The following GLRA3 variants were observed in gnomAD, a reference collection of about 807,000 sequenced individuals.
GLRA3 encodes glycine receptor alpha 3, also known as glycine receptor subunit alpha-3.
GLRA3 carries 44 observed loss-of-function variants against 60.4 expected under a neutral mutation model. The ratio of observed to expected loss-of-function variants is 0.73; its 90% CI spans 0.57 to 0.94. The LOEUF (loss-of-function observed/expected upper bound fraction) is 0.94, where lower values mean the gene tolerates loss of function less well. GLRA3 is among the 40% of genes least tolerant of loss of function. The pLI, the probability that GLRA3 is intolerant of heterozygous loss-of-function variation, is 0.00. For missense variants in GLRA3, 508 were observed against 564.6 expected (o/e 0.90, Z 1.02); for synonymous variants, 223 against 192.9 (o/e 1.16, Z -1.29).
intron 3 of GLRA3, among the ~76,000 whole-genome samples, chr4:174,743,904 C>T (rs1288531782): frequency 1.3e-5 from 2 of 150,174 alleles, no homozygotes; most frequent in Non-Finnish European, 2.9e-5. Context: ...CAGAACAGGA[C>T]CCCCTCTCTT....
intron 5 of GLRA3, among the ~76,000 whole-genome samples, chr4:174,710,638 T>C (rs1053898038): frequency 3.9e-5 from 6 of 152,164 alleles, no homozygotes; most frequent in African/African-American, 1.4e-4. Context: ...CTTCTTGTTT[T>C]CAAATAAAGG....
At chr4:174,673,486 G>T (rs540842601) in intron 7 of GLRA3, among the ~76,000 whole-genome samples, 13 of 152,110 alleles carry the variant, frequency 8.5e-5, no homozygotes, top group African/African-American at 1.4e-4. Context: ...ATCTCAAAGA[G>T]TTTGGGAGTA....
rs772981841 is a variant in GLRA3 at position 174,728,533 on chromosome 4, T to C, written c.433A>G (p.Thr145Ala). ...ATTCTTAGCAATTTGTTGTCTGTAG[T>C]GACTTCATGAAAGTTGGCACCCTTT... Reference protein sequence around the residue: ...NEKGANFHEVTTDNKLLRIFK... With the variant: ...NEKGANFHEVATDNKLLRIFK... Residue 145 changes from threonine to alanine, a missense_variant, in exon 4 of 10, where the codon ACT (threonine) becomes GCT (alanine). Thr to Ala is a moderately conservative substitution (Grantham distance 58). Around this residue, in one of 3 missense-constraint regions of GLRA3, gnomAD observed 329 missense variants for 349.3 expected, o/e 0.94. Transcript: ENST00000274093. The C allele has an allele frequency of 3.1e-6, 5 of 1,613,506 alleles. No individual in the cohort carries two copies. The highest frequency in any genetic ancestry group is 4.2e-6 in the Non-Finnish European group (5 of 1,179,428).
At chr4:174,822,454 A>G (rs1264702582) in intron 1 of GLRA3, among the ~76,000 whole-genome samples, 1 of 152,220 alleles carries the variant, frequency 6.6e-6, no homozygotes, top group Non-Finnish European at 1.5e-5. Context: ...CATTTTGTCT[A>G]GGAGAAAACA....
rs147470517 is a variant in GLRA3, at chr4:174,689,382, A to G, written c.575-6443T>C. Among the ~76,000 whole-genome samples the G allele has an allele frequency of 2.2e-4, 34 of 152,350 alleles. No homozygotes were observed. In the East Asian group the frequency reaches 6.0e-3, roughly 27 times the overall value. ...TGTAGCAGCAAAGTAAGATGTAGATATAATCTTGAGAGATGCGGAAAAAGC... is the reference window on the plus strand; with the variant it reads ...TGTAGCAGCAAAGTAAGATGTAGATGTAATCTTGAGAGATGCGGAAAAAGC... On this transcript the variant is annotated intron_variant, in intron 5 of 9. Coordinates refer to ENST00000274093, the MANE Select transcript of GLRA3 (RefSeq NM_006529.4).
chr4:174,709,967 C>CTT (rs5864286), intron 5 of GLRA3, among the ~76,000 whole-genome samples: 16 of 142,098 alleles, frequency 1.1e-4, no homozygotes, highest in African/African-American at 3.4e-4. Flanking sequence ...TGTTGATTTT[C>CTT]TTTTTTTTTT....
chr4:174,724,840 G>T (rs150293995), intron 4 of GLRA3, among the ~76,000 whole-genome samples: 2 of 152,200 alleles, frequency 1.3e-5, no homozygotes, highest in East Asian at 3.9e-4. Context: ...AAAAATATTT[G>T]TAGCTTCTTT....
At chr4:174,728,442 C>T (rs754041504) in intron 4 of GLRA3, 33 bp downstream of exon 4, 2 of 1,157,852 alleles carry the variant, frequency 1.7e-6, no homozygotes, top group East Asian at 2.3e-5. Flanking sequence ...TATTCTATTT[C>T]ACTGAAATCG....
intron 3 of GLRA3, among the ~76,000 whole-genome samples, chr4:174,757,225 T>A (rs979773344): frequency 3.3e-5 from 5 of 152,120 alleles, no homozygotes; most frequent in Admixed American, 6.5e-5. Flanking sequence ...TGTTTGCCCA[T>A]ATATTAATTA....
chr4:174,805,258 T>G (rs1315322305), intron 1 of GLRA3, among the ~76,000 whole-genome samples: 1 of 152,096 alleles, frequency 6.6e-6, no homozygotes, highest in Non-Finnish European at 1.5e-5. Flanking sequence ...TTTCTCAAAT[T>G]TTTTTGCACT....
At chr4:174,674,412 A>G (rs1734033091) in intron 7 of GLRA3, among the ~76,000 whole-genome samples, 1 of 152,204 alleles carries the variant, frequency 6.6e-6, no homozygotes, top group African/African-American at 2.4e-5. Context: ...AGTTTCAAGG[A>G]ATCAATCACA....
At chr4:174,750,614 A>T (rs1485841253) in intron 3 of GLRA3, among the ~76,000 whole-genome samples, 1 of 152,096 alleles carries the variant, frequency 6.6e-6, no homozygotes, top group Non-Finnish European at 1.5e-5. Context: ...TCCTGAAATG[A>T]GCTCCCAGAT....
At chr4:174,653,978 A>T (rs537798630) in intron 9 of GLRA3, among the ~76,000 whole-genome samples, 1 of 152,232 alleles carries the variant, frequency 6.6e-6, no homozygotes, top group Middle Eastern at 3.4e-3. Context: ...CTTATTTGAG[A>T]GGATGCGATT....
At chr4:174,797,471 A>C (rs547605037) in intron 1 of GLRA3, among the ~76,000 whole-genome samples, 58 of 152,294 alleles carry the variant, frequency 3.8e-4, no homozygotes, top group Non-Finnish European at 6.6e-4. Context: ...GGGCTCATAC[A>C]CATTCCCATC....
At chr4:174,785,400 A>C (rs1739082172) in intron 2 of GLRA3, among the ~76,000 whole-genome samples, 1 of 152,146 alleles carries the variant, frequency 6.6e-6, no homozygotes, top group African/African-American at 2.4e-5. Context: ...TTATACTATT[A>C]CTCCAGAAAT....
At chr4:174,820,525 A>G (rs1288835275) in intron 1 of GLRA3, among the ~76,000 whole-genome samples, 4 of 152,084 alleles carry the variant, frequency 2.6e-5, no homozygotes, top group African/African-American at 9.7e-5. Flanking sequence ...GACAGTGGCA[A>G]CAGCGCTGGG....
chr4:174,763,203 C>A (rs1738002787), intron 3 of GLRA3, among the ~76,000 whole-genome samples: 12 of 152,170 alleles, frequency 7.9e-5, no homozygotes, highest in Admixed American at 7.9e-4. Flanking sequence ...GCTCCAGGAA[C>A]TGTCTGGCAA....
intron 1 of GLRA3, among the ~76,000 whole-genome samples, chr4:174,804,640 C>T (rs1739959305): frequency 6.6e-6 from 1 of 152,060 alleles, no homozygotes; most frequent in Non-Finnish European, 1.5e-5. Context: ...GTCCCATGTC[C>T]ACAGAAAACT....
intron 1 of GLRA3, among the ~76,000 whole-genome samples, chr4:174,800,370 A>G (rs1333728520): frequency 6.6e-6 from 1 of 152,132 alleles, no homozygotes; most frequent in Non-Finnish European, 1.5e-5. Context: ...ACATAACTTA[A>G]TGTGGTGCAC....
Sources: allele counts gnomAD v4.1 joint callset (sites outside exome capture counted in the v4.1 genomes callset), GRCh38; gene constraint gnomAD v4.1.1; regional missense constraint gnomAD v4.1.1; transcripts MANE v1.5; gene names NCBI Gene and HGNC (gene_info 2026-07-23, HGNC 2026-07-21).